Variants in CCDC91 observed in about 807,000 individuals in gnomAD.
CCDC91 encodes the protein coiled-coil domain-containing protein 91.
In CCDC91, 48 loss-of-function variants were observed where a neutral mutation model predicts 63.2. That is an observed-to-expected ratio of 0.76 (90% CI 0.60 to 0.97). The LOEUF (loss-of-function observed/expected upper bound fraction) is 0.97, where lower values mean the gene tolerates loss of function less well. CCDC91 is among the 50% of genes least tolerant of loss of function. The pLI is 0.00. For missense variants in CCDC91, 500 were observed against 494.6 expected (o/e 1.01, Z -0.10); for synonymous variants, 167 against 165.8 (o/e 1.01, Z -0.06).
intron 8 of CCDC91, among the ~76,000 whole-genome samples, chr12:28,420,149 AC>A (rs772294644): frequency 3.9e-5 from 6 of 152,242 alleles, no homozygotes; most frequent in South Asian, 2.1e-4. Flanking sequence ...ATATCACATA[AC>A]CAGTAACTAA....
chr12:28,533,726 C>T (rs945112430), intron 12 of CCDC91, among the ~76,000 whole-genome samples: 1 of 151,714 alleles, frequency 6.6e-6, no homozygotes, highest in African/African-American at 2.4e-5. Context: ...TTATCATGCT[C>T]CTCTTCTCCC....
At chr12:28,243,580 G>C (rs749000630) in intron 1 of CCDC91, among the ~76,000 whole-genome samples, 6 of 151,920 alleles carry the variant, frequency 3.9e-5, no homozygotes, top group Non-Finnish European at 7.4e-5. Flanking sequence ...AGTCAGCAAA[G>C]GGTATACAAT....
At chr12:28,493,760 A>G (rs962509686) in intron 12 of CCDC91, among the ~76,000 whole-genome samples, 2 of 151,714 alleles carry the variant, frequency 1.3e-5, no homozygotes, top group African/African-American at 4.8e-5. Flanking sequence ...TATCTCTTAT[A>G]AAAACAAAAA....
intron 6 of CCDC91, among the ~76,000 whole-genome samples, chr12:28,318,262 C>A (rs560984289): frequency 5.5e-4 from 83 of 151,750 alleles, no homozygotes; most frequent in African/African-American, 2.0e-3. Flanking sequence ...TGGTTCATAT[C>A]TGTAATCCCA....
At chr12:28,510,078 A>C (rs904279373) in intron 12 of CCDC91, among the ~76,000 whole-genome samples, 4 of 151,868 alleles carry the variant, frequency 2.6e-5, no homozygotes, top group South Asian at 2.1e-4. Flanking sequence ...TGAAATTGCA[A>C]AGGATGGAGA....
chr12:28,300,728 T>C (rs922306006), intron 3 of CCDC91, among the ~76,000 whole-genome samples: 1 of 151,620 alleles, frequency 6.6e-6, no homozygotes, highest in African/African-American at 2.4e-5. Context: ...GATATTTAGA[T>C]GTTCTATCCT....
chr12:28,346,926 C>A (rs1942852819), intron 6 of CCDC91, among the ~76,000 whole-genome samples: 1 of 152,110 alleles, frequency 6.6e-6, no homozygotes, highest in African/African-American at 2.4e-5. Flanking sequence ...GGTGACCAGC[C>A]CTACCCTGAA....
At chr12:28,294,597 T>C (rs966675785) in intron 3 of CCDC91, among the ~76,000 whole-genome samples, 5 of 152,130 alleles carry the variant, frequency 3.3e-5, no homozygotes, top group Middle Eastern at 3.2e-3. Flanking sequence ...CCTCTTTTTT[T>C]TTTTGAGATG....
chr12:28,244,526 T>TTTTTTTC (rs3064708), intron 1 of CCDC91, among the ~76,000 whole-genome samples: 2 of 111,220 alleles, frequency 1.8e-5, no homozygotes, highest in African/African-American at 6.0e-5. Context: ...TTTTTTTTTT[T>TTTTTTTC]ACAGCTCTAC....
chr12:28,244,494 C>CTTTTTTTTTTTTTTT (rs3064681), intron 1 of CCDC91, among the ~76,000 whole-genome samples: 1 of 38,406 alleles, frequency 2.6e-5, no homozygotes, highest in Non-Finnish European at 4.4e-5. Context: ...TAGAAGAAGG[C>CTTTTTTTTTTTTTTT]TTTTTTTTTT....
intron 12 of CCDC91, among the ~76,000 whole-genome samples, chr12:28,490,180 C>T (rs1951924973): frequency 6.6e-6 from 1 of 151,856 alleles, no homozygotes; most frequent in Admixed American, 6.6e-5. Context: ...ATTACTCTTG[C>T]TTCTATCCAA....
chr12:28,531,911 G>A (rs541794140), intron 12 of CCDC91, among the ~76,000 whole-genome samples: 14 of 152,166 alleles, frequency 9.2e-5, no homozygotes, highest in African/African-American at 3.1e-4. Flanking sequence ...TTTTGGGATG[G>A]TAAATAGCAT....
At chr12:28,377,052 CTTTTG>C (rs1330360801) in intron 7 of CCDC91, among the ~76,000 whole-genome samples, 2 of 150,908 alleles carry the variant, frequency 1.3e-5, no homozygotes, top group Admixed American at 1.3e-4. Flanking sequence ...TAGGTTAAAA[CTTTTG>C]TTTTGCTACT....
chr12:28,338,469 A>G (rs894979793), intron 6 of CCDC91, among the ~76,000 whole-genome samples: 1 of 152,124 alleles, frequency 6.6e-6, no homozygotes. Flanking sequence ...ATGCCCTGAG[A>G]TAAGATTGTG....
intron 6 of CCDC91, among the ~76,000 whole-genome samples, chr12:28,334,767 C>G (rs1032014387): frequency 6.6e-6 from 1 of 152,068 alleles, no homozygotes; most frequent in Admixed American, 6.6e-5. Flanking sequence ...GGAAGTGTAA[C>G]TCAGTGTAAT....
At chr12:28,322,453 C>A (rs1940601075) in intron 6 of CCDC91, among the ~76,000 whole-genome samples, 1 of 151,858 alleles carries the variant, frequency 6.6e-6, no homozygotes, top group Non-Finnish European at 1.5e-5. Flanking sequence ...TGAAACCTTT[C>A]TTCCCTATCA....
At chr12:28,196,160 C>CTT (rs1485643486) in intron 1 of CCDC91, among the ~76,000 whole-genome samples, 1 of 152,112 alleles carries the variant, frequency 6.6e-6, no homozygotes, top group Non-Finnish European at 1.5e-5. Flanking sequence ...TGATTTCTCT[C>CTT]TGTTTTTAAG....
chr12:28,532,065 T>C (rs545596738), intron 12 of CCDC91, among the ~76,000 whole-genome samples: 2 of 152,186 alleles, frequency 1.3e-5, no homozygotes, highest in African/African-American at 4.8e-5. Context: ...GACCAAGTCA[T>C]GCAGCTATTT....
intron 8 of CCDC91, among the ~76,000 whole-genome samples, chr12:28,436,109 A>G (rs545277806): frequency 3.3e-5 from 5 of 151,986 alleles, no homozygotes; most frequent in South Asian, 4.1e-4. Flanking sequence ...TGATCTATTT[A>G]GCATAGTGTC....
Sources: allele counts gnomAD v4.1 joint callset (sites outside exome capture counted in the v4.1 genomes callset), GRCh38; gene constraint gnomAD v4.1.1; transcripts MANE v1.5; gene names NCBI Gene and HGNC (gene_info 2026-07-23, HGNC 2026-07-21).